TRPM1: variants seen among roughly 807,000 people sequenced by gnomAD.
The protein encoded by TRPM1 is TRPM1-203 APA Isoform, Intron 10.
Under a neutral mutation model 149.4 loss-of-function variants are expected in TRPM1, and 113 were observed. That is an observed-to-expected ratio of 0.76 (90% CI 0.65 to 0.88). The LOEUF (loss-of-function observed/expected upper bound fraction) is 0.88. Among genes scored for constraint, TRPM1 ranks in the 40% least tolerant of loss-of-function variants. TRPM1 has a pLI of 0.00. For missense variants in TRPM1, 1,976 were observed against 2,038.7 expected (o/e 0.97, Z 0.59); for synonymous variants, 741 against 759.5 (o/e 0.98, Z 0.40).
intron 1 of TRPM1, among the ~76,000 whole-genome samples, chr15:31,141,522 C>G (rs891829521): frequency 6.6e-6 from 1 of 151,882 alleles, no homozygotes; most frequent in African/African-American, 2.4e-5. Context: ...AGACAGAAAC[C>G]AGTAAGTAGG....
At chr15:31,108,825 A>G (rs2035644360) in intron 1 of TRPM1, among the ~76,000 whole-genome samples, 1 of 152,214 alleles carries the variant, frequency 6.6e-6, no homozygotes, top group African/African-American at 2.4e-5. Flanking sequence ...TTGTTCCTAC[A>G]TACCAAATAT....
rs150598552 is a variant in TRPM1, at chr15:31,093,571, G to A, written c.-84+8086C>T. On this transcript the variant is annotated intron_variant, in intron 1 of 27. Transcript: ENST00000256552. ...ACATCCTGTATTCATGAATTGCAAT[G>A]GGCTAAATGGACAGAGCAATCTGGT... Among the ~76,000 whole-genome samples the A allele has an allele frequency of 2.7e-3, 413 of 151,898 alleles. 3 individuals are homozygous for A. Among genetic ancestry groups the A allele is most frequent in the African/African-American group, 9.6e-3 (397 of 41,370 alleles).
chr15:31,119,112 A>AGG (rs2035841698), intron 1 of TRPM1, among the ~76,000 whole-genome samples: 1 of 152,006 alleles, frequency 6.6e-6, no homozygotes, highest in South Asian at 2.1e-4. Flanking sequence ...ATGGTGGTGC[A>AGG]TGCCTGTAAT....
chr15:31,121,223 C>CAA (rs71420549), intron 1 of TRPM1, among the ~76,000 whole-genome samples: 4,255 of 58,848 alleles, frequency 0.072, 224 homozygotes, highest in Admixed American at 0.11. Context: ...GACTCCATCT[C>CAA]AAAAAAAAAA....
chr15:31,104,617 G>A (rs1246496402), upstream of TRPM1, among the ~76,000 whole-genome samples: 9 of 124,992 alleles, frequency 7.2e-5, no homozygotes, highest in South Asian at 2.6e-4. Context: ...TTTTTGAGAC[G>A]GAGTCTTGCT....
chr15:31,110,621 C>T (rs193134754), intron 1 of TRPM1, among the ~76,000 whole-genome samples: 24 of 152,218 alleles, frequency 1.6e-4, no homozygotes, highest in Admixed American at 1.2e-3. Flanking sequence ...AACAGGTGAA[C>T]GTTGGCAGCA....
chr15:31,155,814 A>G (rs961687358), intron 1 of TRPM1, among the ~76,000 whole-genome samples: 1 of 152,188 alleles, frequency 6.6e-6, no homozygotes, highest in South Asian at 2.1e-4. Flanking sequence ...CTTACAGACC[A>G]TAAAATCTCA....
chr15:31,156,756 G>C (rs1040160264), intron 1 of TRPM1, among the ~76,000 whole-genome samples: 2 of 151,972 alleles, frequency 1.3e-5, no homozygotes, highest in Non-Finnish European at 2.9e-5. Flanking sequence ...CTGTGCCTTG[G>C]GCCATGATCA....
At chr15:31,083,008 G>GCAGGGGGATA in intron 1 of TRPM1, among the ~76,000 whole-genome samples, 1 of 152,128 alleles carries the variant, frequency 6.6e-6, no homozygotes, top group Non-Finnish European at 1.5e-5. Context: ...ACAGGAAGGT[G>GCAGGGGGATA]CAGGGGGATA....
intron 27 of TRPM1, among the ~76,000 whole-genome samples, chr15:31,010,294 A>G (rs2032138154): frequency 6.6e-6 from 1 of 152,204 alleles, no homozygotes; most frequent in South Asian, 2.1e-4. Flanking sequence ...TGCTATTGAG[A>G]TCTGACCTAT....
At chr15:31,113,455 A>G (rs545634102) in intron 1 of TRPM1, among the ~76,000 whole-genome samples, 35 of 151,540 alleles carry the variant, frequency 2.3e-4, no homozygotes, top group African/African-American at 8.0e-4. Context: ...CAAAATCTCT[A>G]AGGTATAGAG....
intron 16 of TRPM1, among the ~76,000 whole-genome samples, chr15:31,045,669 C>T (rs368115304): frequency 2.6e-5 from 4 of 152,248 alleles, no homozygotes; most frequent in South Asian, 2.1e-4. Flanking sequence ...CTAAGATATA[C>T]GTGTATTTTA....
At chr15:31,117,478 C>G (rs576612077) in intron 1 of TRPM1, among the ~76,000 whole-genome samples, 1 of 151,484 alleles carries the variant, frequency 6.6e-6, no homozygotes, top group South Asian at 2.1e-4. Context: ...AAGATCGAAA[C>G]TCTGTCTCAG....
Position 31,027,025 on chromosome 15 carries a change from A to C in TRPM1, c.3386T>G (p.Leu1129Arg), listed in dbSNP as rs1305405882. Residue 1129 changes from leucine (L) to arginine (R), a missense_variant, in exon 26 of 28, where the codon CTG (leucine) becomes CGG (arginine). Leu to Arg is a moderately radical substitution (Grantham distance 102, BLOSUM62 -2). This residue lies in a region of TRPM1 where 72 missense variants were observed against 112.7 expected (regional missense o/e 0.64). Transcript: ENST00000256552. Reference sequence around the variant, plus strand: ...GCTTAAAATGATCATCGGTGGGGGCAGGACTGGCCTGTCATGAAATGTCAT... The same window carrying C: ...GCTTAAAATGATCATCGGTGGGGGCCGGACTGGCCTGTCATGAAATGTCAT... ...LIMTFHDRPVLPPPMIILSHI... is the reference protein window; with the variant it reads ...LIMTFHDRPVRPPPMIILSHI... The C allele has an allele frequency of 1.2e-6, 2 of 1,614,104 alleles. No homozygotes were observed. Among genetic ancestry groups the C allele is most frequent in the Non-Finnish European group, 1.7e-6 (2 of 1,180,050 alleles).
chr15:31,154,259 C>G (rs2036339827), intron 1 of TRPM1, among the ~76,000 whole-genome samples: 1 of 152,056 alleles, frequency 6.6e-6, no homozygotes, highest in Admixed American at 6.5e-5. Flanking sequence ...AGCAATGAGC[C>G]CTTTGTCACA....
chr15:31,120,508 A>G (rs918179631), intron 1 of TRPM1, among the ~76,000 whole-genome samples: 3 of 152,234 alleles, frequency 2.0e-5, no homozygotes, highest in African/African-American at 7.2e-5. Context: ...AGGGAAAATT[A>G]GTAAGGATAT....
intron 20 of TRPM1, chr15:31,036,046 C>T (rs1219865929): frequency 6.0e-6 from 2 of 335,038 alleles, no homozygotes; most frequent in Non-Finnish European, 1.2e-5. Flanking sequence ...ACTTACTCCT[C>T]CCTGCCTCAG....
At chr15:31,106,492 A>G (rs907814926), upstream of TRPM1, among the ~76,000 whole-genome samples, 1 of 152,172 alleles carries the variant, frequency 6.6e-6, no homozygotes, top group African/African-American at 2.4e-5. Context: ...TTTAAGTATA[A>G]ATATATATGT....
chr15:31,105,048 G>A (rs570849824), upstream of TRPM1, among the ~76,000 whole-genome samples: 61 of 152,304 alleles, frequency 4.0e-4, no homozygotes, highest in African/African-American at 1.3e-3. Context: ...AGTGGAATTG[G>A]TTGCTTCCTT....
Sources: allele counts gnomAD v4.1 joint callset (sites outside exome capture counted in the v4.1 genomes callset), GRCh38; gene constraint gnomAD v4.1.1; regional missense constraint gnomAD v4.1.1; transcripts MANE v1.5; gene names NCBI Gene and HGNC (gene_info 2026-07-23, HGNC 2026-07-21).